Variants in DSN1 observed in about 807,000 individuals in gnomAD.
DSN1 encodes the protein DSN1 component of MIS12 kinetochore complex.
In DSN1, 31 loss-of-function variants were observed where a neutral mutation model predicts 45.7. The ratio of observed to expected loss-of-function variants is 0.68; its 90% CI spans 0.51 to 0.92. DSN1 has a LOEUF of 0.92. Among genes scored for constraint, DSN1 ranks in the 40% least tolerant of loss-of-function variants. DSN1 has a pLI of 0.00. For missense variants in DSN1, 394 were observed against 414.2 expected (o/e 0.95, Z 0.42); for synonymous variants, 134 against 142.3 (o/e 0.94, Z 0.41).
At chr20:36,767,920 A>C (rs1345580701) in intron 4 of DSN1, 49 bp downstream of exon 4, 2 of 1,569,764 alleles carry the variant, frequency 1.3e-6, no homozygotes, top group Admixed American at 1.7e-5. Context: ...AGATTGTCAC[A>C]ATAGCAGTTA....
In DSN1 at chr20:36,765,595, G is replaced by T. The variant is rs574796947; in HGVS notation, c.502+1174C>A. Among the ~76,000 whole-genome samples, 327 of 151,960 alleles carry T rather than the reference G, an allele frequency of 2.2e-3. 1 individual carries two copies. The highest frequency in any genetic ancestry group is 3.9e-3 in the Non-Finnish European group (262 of 67,964). On this transcript the variant is annotated intron_variant, in intron 5 of 10. Coordinates refer to ENST00000373750, the MANE Select transcript of DSN1 (RefSeq NM_001145315.2). ...GAAGGCGGAGGCAGGCGGATCATGAGGTCAGGAGATCGAGACCATGGTGAA... is the reference window on the plus strand; with the variant it reads ...GAAGGCGGAGGCAGGCGGATCATGATGTCAGGAGATCGAGACCATGGTGAA...
chr20:36,755,941 T>G, intron 8 of DSN1, 112 bp from the exon 9 acceptor site: 1 of 1,222,034 alleles, frequency 8.2e-7, no homozygotes, highest in Non-Finnish European at 1.1e-6. Flanking sequence ...ACGCTAGCTA[T>G]AGGCTCACTT....
At chr20:36,769,370 G>T (rs1325731396) in intron 3 of DSN1, among the ~76,000 whole-genome samples, 1 of 152,204 alleles carries the variant, frequency 6.6e-6, no homozygotes, top group Admixed American at 6.5e-5. Flanking sequence ...AACCTGACAG[G>T]TTGCCAGAAA....
chr20:36,772,516 T>TGACCTCAGGTGATCCGCCC (rs1987706053), intron 1 of DSN1, among the ~76,000 whole-genome samples: 1 of 152,092 alleles, frequency 6.6e-6, no homozygotes, highest in Non-Finnish European at 1.5e-5. Flanking sequence ...CTCGAACTCT[T>TGACCTCAGGTGATCCGCCC]GACCTCAGGT....
At chr20:36,753,462 AC>A (rs1286387663) in intron 10 of DSN1, among the ~76,000 whole-genome samples, 3 of 151,552 alleles carry the variant, frequency 2.0e-5, no homozygotes. Flanking sequence ...ACATGGTGAA[AC>A]CCCATCTCTA....
chr20:36,767,338 CAA>C (rs1175512609), intron 4 of DSN1, among the ~76,000 whole-genome samples: 23 of 151,414 alleles, frequency 1.5e-4, no homozygotes, highest in African/African-American at 5.4e-4. Context: ...AAAGAAAAAA[CAA>C]AAGACTTTTT....
chr20:36,752,653 A>G lies in DSN1; in HGVS notation c.*135T>C, dbSNP rs928368198. On this transcript the variant is annotated 3_prime_UTR_variant, in exon 11 of 11. Transcript: ENST00000373750. ...ACAAATTCCATCACTTTTTGAAAAA[A>G]GTCAAAGTGTTCTACAGTCAGTCCT... 1.7e-5 allele frequency: 11 copies of G among 635,236 alleles called. No homozygotes were observed. The highest frequency in any genetic ancestry group is 1.2e-4 in the Admixed American group (4 of 33,102). 39.3% of individuals were successfully genotyped at this position (635,236 alleles called of 1,614,324 possible). A position where few individuals can be genotyped will look rare whatever the true frequency, so the allele number is the denominator to read the frequency against.
At chr20:36,753,514 T>A (rs1986490409) in intron 10 of DSN1, among the ~76,000 whole-genome samples, 1 of 150,182 alleles carries the variant, frequency 6.7e-6, no homozygotes, top group African/African-American at 2.5e-5. Flanking sequence ...GGCACATGCC[T>A]GTAATCCCAG....
At chr20:36,756,602 G>A (rs1032388588) in intron 8 of DSN1, among the ~76,000 whole-genome samples, 1 of 152,120 alleles carries the variant, frequency 6.6e-6, no homozygotes, top group Non-Finnish European at 1.5e-5. Context: ...AGATATTACT[G>A]GGCACTTTAC....
Position 36,770,950 on chromosome 20 carries a change from C to T in DSN1, c.278G>A (p.Arg93Lys). Residue 93 changes from arginine (R) to lysine (K), a missense_variant, in exon 3 of 11, where the codon AGG becomes AAG. Coordinates refer to ENST00000373750, the MANE Select transcript of DSN1 (RefSeq NM_001145315.2). Reference protein sequence around the residue: ...QEQSASYQDRRQSWRRASMKE... With the variant: ...QEQSASYQDRKQSWRRASMKE... ...CATACTTGCTCGCCGCCAGGATTGCCTCCTGTCTTGATAACTGGCAGATTG... is the reference window on the plus strand; with the variant it reads ...CATACTTGCTCGCCGCCAGGATTGCTTCCTGTCTTGATAACTGGCAGATTG... 1 of 1,614,202 alleles carries T rather than the reference C, an allele frequency of 6.2e-7. No homozygotes were observed. Among genetic ancestry groups the T allele is most frequent in the African/African-American group, 1.3e-5 (1 of 75,038 alleles).
At position 36,754,807 on chromosome 20, in the gene DSN1, A is replaced by G; in HGVS notation, c.917T>C (p.Met306Thr). 6.2e-7 allele frequency: 1 copy of G among 1,613,944 alleles called. No homozygotes were observed. The highest frequency in any genetic ancestry group is 8.5e-7 in the Non-Finnish European group (1 of 1,179,886). The part of the protein sequence containing the change: ...QGSVKQLQAF[M>T]DESTQCFQKV... ...CTGGAAGCACTGGGTACTTTCATCCATAAAGGCCTGCAGCTGTTTCACTGA... is the reference window on the plus strand; with the variant it reads ...CTGGAAGCACTGGGTACTTTCATCCGTAAAGGCCTGCAGCTGTTTCACTGA... Residue 306 changes from methionine to threonine, a missense_variant, in exon 10 of 11, where the codon ATG becomes ACG. Met to Thr is a moderately conservative substitution (Grantham distance 81). Transcript: ENST00000373750.
intron 5 of DSN1, among the ~76,000 whole-genome samples, chr20:36,763,362 G>A (rs985476077): frequency 1.3e-4 from 16 of 120,320 alleles, no homozygotes; most frequent in Non-Finnish European, 2.6e-4. Context: ...CTGAGACGGT[G>A]CCACTGCACA....
Position 36,766,802 on chromosome 20 carries a change from T to TA in DSN1, c.468dup (p.Lys157Ter), listed in dbSNP as rs758898807. ...CTAAAACTTTCAAGACTGAAGCCCT[T>TA]AGTGTCCCTTAGGAAAGGTTCAAGT... is the stretch of plus-strand genomic sequence containing the variant. On this transcript the variant is annotated frameshift_variant, in exon 5 of 11. Transcript: ENST00000373750. LOFTEE classifies it high-confidence loss of function. 62 of 1,609,822 alleles carry TA rather than the reference T, an allele frequency of 3.9e-5. No homozygotes were observed. Among genetic ancestry groups the TA allele is most frequent in the Non-Finnish European group, 4.9e-5 (58 of 1,179,150 alleles).
intron 5 of DSN1, among the ~76,000 whole-genome samples, chr20:36,763,410 G>GAAAAAAAAGAA (rs1987116783): frequency 1.2e-5 from 1 of 84,098 alleles, no homozygotes; most frequent in African/African-American, 4.8e-5. Context: ...CTCAAAAAAA[G>GAAAAAAAAGAA]AAAAAAAAAA....
At chr20:36,754,962 C>T in intron 9 of DSN1, 112 bp from the exon 10 acceptor site, 2 of 837,216 alleles carry the variant, frequency 2.4e-6, no homozygotes, top group Middle Eastern at 3.0e-4. Context: ...TTCTTTCAGC[C>T]TGGAATGCTT....
intron 5 of DSN1, among the ~76,000 whole-genome samples, chr20:36,765,247 T>TA (rs33998027): frequency 0.76 from 57,119 of 75,228 alleles, 23,511 homozygotes; most frequent in Non-Finnish European, 0.79. Context: ...AGGCTTGTGT[T>TA]AAAAAAAAAA....
chr20:36,754,935 G>A, intron 9 of DSN1, 85 bp from the exon 10 acceptor site: 1 of 1,169,398 alleles, frequency 8.6e-7, no homozygotes, highest in South Asian at 1.3e-5. Flanking sequence ...TCTTGCTCAG[G>A]AGCTCTGGGC....
intron 3 of DSN1, among the ~76,000 whole-genome samples, 180 bp from the exon 4 acceptor site, chr20:36,768,222 C>A (rs554922713): frequency 6.6e-6 from 1 of 151,760 alleles, no homozygotes; most frequent in Non-Finnish European, 1.5e-5. Context: ...CCCATTTGTT[C>A]ATCTAAACTT....
chr20:36,768,162 G>T, intron 3 of DSN1, 120 bp from the exon 4 acceptor site: 2 of 847,442 alleles, frequency 2.4e-6, no homozygotes, highest in Non-Finnish European at 3.7e-6. Flanking sequence ...GCCTTCTTTA[G>T]TTAAAGACAG....
Sources: gnomAD v4.1 joint callset for allele counts (sites outside exome capture counted in the v4.1 genomes callset) on GRCh38, gnomAD v4.1.1 for gene constraint, MANE v1.5 for transcripts, NCBI Gene and HGNC (gene_info 2026-07-23, HGNC 2026-07-21) for gene names.